The following SHROOM4 variants were observed in gnomAD, a reference collection of about 807,000 sequenced individuals.
SHROOM4 encodes the protein shroom family member 4.
Under a neutral mutation model 80.3 loss-of-function variants are expected in SHROOM4, and 17 were observed. The ratio of observed to expected loss-of-function variants is 0.21; its 90% CI spans 0.14 to 0.32. The LOEUF (loss-of-function observed/expected upper bound fraction) is 0.32, where lower values mean the gene tolerates loss of function less well. SHROOM4 is among the 10% of genes least tolerant of loss of function. SHROOM4 has a pLI of 1.00. For missense variants in SHROOM4, 993 were observed against 1,140.3 expected (o/e 0.87, Z 1.86); for synonymous variants, 400 against 437.5 (o/e 0.91, Z 1.07).
chrX:50,812,697 G>C (rs1936364256), intron 1 of SHROOM4, among the ~76,000 whole-genome samples: 1 of 110,957 alleles, frequency 9.0e-6, no homozygotes, highest in Non-Finnish European at 1.9e-5. Context: ...TGTGTGTTGC[G>C]GTGGACGTTT....
chrX:50,673,703 C>T lies in SHROOM4; in HGVS notation c.269+22083G>A, dbSNP rs144673158. ...TGAAAGTACAAAGACAAAAAATATA[C>T]TATGTAGATGTGAATGAAAGGAAAG... On this transcript the variant is annotated intron_variant, in intron 2 of 8. Transcript: ENST00000376020. Among the ~76,000 whole-genome samples, 178 of 109,910 alleles carry T rather than the reference C, an allele frequency of 1.6e-3. 2 individuals are homozygous for T. The highest frequency in any genetic ancestry group is 9.1e-3 in the East Asian group (32 of 3,517).
chrX:50,733,715 A>G (rs1013383466), intron 1 of SHROOM4, among the ~76,000 whole-genome samples: 11 of 112,488 alleles, frequency 9.8e-5, no homozygotes, highest in Admixed American at 9.5e-4. Context: ...TAGAAAAATG[A>G]TAAGAATGTC....
chrX:50,628,040 G>A (rs1218792978), intron 4 of SHROOM4, among the ~76,000 whole-genome samples: 1 of 112,140 alleles, frequency 8.9e-6, no homozygotes, highest in African/African-American at 3.2e-5. Context: ...TGTTTGTTCT[G>A]CTGGGTGAAC....
intron 1 of SHROOM4, among the ~76,000 whole-genome samples, chrX:50,763,689 A>C (rs139384550): frequency 1.1e-4 from 12 of 111,458 alleles, no homozygotes; most frequent in African/African-American, 3.6e-4. Flanking sequence ...ATATTTACCT[A>C]GTGATTGGTC....
intron 1 of SHROOM4, among the ~76,000 whole-genome samples, chrX:50,739,487 A>G (rs1934593794): frequency 1.8e-5 from 2 of 111,418 alleles, no homozygotes; most frequent in Non-Finnish European, 3.8e-5. Context: ...ATTTACAAGA[A>G]AAAAGCAAAC....
chrX:50,641,944 G>A (rs1049974623), intron 2 of SHROOM4, among the ~76,000 whole-genome samples: 4 of 112,432 alleles, frequency 3.6e-5, no homozygotes, highest in Non-Finnish European at 7.5e-5. Flanking sequence ...TTCTCCAGGA[G>A]TAGGAACCAA....
At chrX:50,644,980 G>A (rs782597313) in intron 2 of SHROOM4, among the ~76,000 whole-genome samples, 5 of 112,097 alleles carry the variant, frequency 4.5e-5, no homozygotes, top group Admixed American at 1.9e-4. Context: ...AATAATGAGC[G>A]AGGTACCATT....
chrX:50,595,481 G>C lies in SHROOM4; in HGVS notation c.*1214C>G, dbSNP rs922505760. ...GCTTGGAGATGGTAGAGAAATGACT[G>C]AACCTTTCTCCATTTCAGGAGATTT... is the stretch of plus-strand genomic sequence containing the variant. On this transcript the variant is annotated 3_prime_UTR_variant, in exon 9 of 9. Coordinates refer to ENST00000376020, the MANE Select transcript of SHROOM4 (RefSeq NM_020717.5). 10 of 183,358 alleles carry C rather than the reference G, an allele frequency of 5.5e-5. No homozygotes were observed. The highest frequency in any genetic ancestry group is 2.2e-4 in the Admixed American group (3 of 13,714). 15.1% of individuals were successfully genotyped at this position (183,358 alleles called of 1,213,427 possible).
At chrX:50,694,370 GTT>G (rs782772040) in intron 2 of SHROOM4, among the ~76,000 whole-genome samples, 1 of 94,881 alleles carries the variant, frequency 1.1e-5, no homozygotes, top group Non-Finnish European at 2.1e-5. Flanking sequence ...ACCAGCATCT[GTT>G]TTTTTTTTTT....
chrX:50,630,403 T>A (rs782352957), intron 4 of SHROOM4, among the ~76,000 whole-genome samples: 32 of 111,634 alleles, frequency 2.9e-4, no homozygotes, highest in African/African-American at 9.8e-4. Flanking sequence ...ATGTGTTACA[T>A]CACTTAATCC....
chrX:50,579,444 T>TA, the SHROOM4 span, among the ~76,000 whole-genome samples: 2 of 111,979 alleles, frequency 1.8e-5, no homozygotes, highest in East Asian at 5.6e-4. Context: ...TATCCTCCTT[T>TA]AAGACTTCTG....
chrX:50,811,277 A>G (rs917272052), intron 1 of SHROOM4, among the ~76,000 whole-genome samples: 2 of 110,772 alleles, frequency 1.8e-5, no homozygotes, highest in African/African-American at 3.3e-5. Flanking sequence ...ACTGTACTCC[A>G]GCCTGAGCAA....
chrX:50,693,818 G>C (rs1933290383), intron 2 of SHROOM4, among the ~76,000 whole-genome samples: 1 of 109,934 alleles, frequency 9.1e-6, no homozygotes, highest in Non-Finnish European at 1.9e-5. Context: ...TTGAACACTA[G>C]ATCTTATTCA....
At chrX:50,771,641 C>T (rs1255633951) in intron 1 of SHROOM4, among the ~76,000 whole-genome samples, 5 of 112,323 alleles carry the variant, frequency 4.5e-5, no homozygotes, top group African/African-American at 1.3e-4. Context: ...GTTTACACAG[C>T]ATCCTCCCAT....
intron 2 of SHROOM4, among the ~76,000 whole-genome samples, chrX:50,684,067 G>A (rs1344875896): frequency 8.9e-6 from 1 of 112,241 alleles, no homozygotes; most frequent in East Asian, 2.8e-4. Flanking sequence ...GTGCTGATGA[G>A]AAGTTGTACT....
Position 50,595,660 on chromosome X carries a change from T to C in SHROOM4, c.*1035A>G, listed in dbSNP as rs1557246351. On this transcript the variant is annotated 3_prime_UTR_variant, in exon 9 of 9. Transcript: ENST00000376020. ...AAACTCCTTCCTAGACATCGGTAGC[T>C]ATGGTGGGAACAATTCAACGCCTTG... The C allele has an allele frequency of 3.9e-6, 1 of 257,962 alleles. No homozygotes were observed. The highest frequency in any genetic ancestry group is 7.2e-6 in the Non-Finnish European group (1 of 139,790). The allele number at this position is 257,962 out of a possible 1,213,427, so 21.3% of individuals were successfully genotyped here. A position where few individuals can be genotyped will look rare whatever the true frequency, so the allele number is the denominator to read the frequency against.
intron 2 of SHROOM4, among the ~76,000 whole-genome samples, chrX:50,668,010 T>C (rs1166168963): frequency 8.9e-6 from 1 of 111,915 alleles, no homozygotes; most frequent in Non-Finnish European, 1.9e-5. Context: ...GCCACCCTCA[T>C]GCCAATGAAG....
chrX:50,602,784 G>A lies in SHROOM4; in HGVS notation c.3791C>T (p.Ser1264Leu). ...AGAGGTAGGGATTCCTGGGGCCCCTGAAGGAGGCGAAAAGTGCTGAAACTC... is the reference window on the plus strand; with the variant it reads ...AGAGGTAGGGATTCCTGGGGCCCCTAAAGGAGGCGAAAAGTGCTGAAACTC... ...KQEFQHFSPP[S>L]GAPGIPTSYS... Residue 1264 changes from serine to leucine, a missense_variant, in exon 7 of 9, where the codon TCA becomes TTA. Ser to Leu is a moderately radical substitution (Grantham distance 145). Coordinates refer to ENST00000376020, the MANE Select transcript of SHROOM4 (RefSeq NM_020717.5). 8.3e-7 allele frequency: 1 copy of A among 1,210,893 alleles called. No homozygotes were observed. Among genetic ancestry groups the A allele is most frequent in the Non-Finnish European group, 1.1e-6 (1 of 895,178 alleles).
chrX:50,794,177 G>A (rs1356096152), intron 1 of SHROOM4, among the ~76,000 whole-genome samples: 2 of 111,798 alleles, frequency 1.8e-5, no homozygotes, highest in East Asian at 5.6e-4. Context: ...AATTTGTAAA[G>A]TAACCACTAA....
Sources: allele counts gnomAD v4.1 joint callset (sites outside exome capture counted in the v4.1 genomes callset), GRCh38; gene constraint gnomAD v4.1.1; transcripts MANE v1.5; gene names NCBI Gene and HGNC (gene_info 2026-07-23, HGNC 2026-07-21).